PCDHAC2: variants seen among roughly 807,000 people sequenced by gnomAD.
PCDHAC2 encodes the protein protocadherin alpha subfamily C, 2, also known as protocadherin alpha-C2.
In PCDHAC2, 24 loss-of-function variants were observed where a neutral mutation model predicts 63.3. The observed-to-expected ratio is 0.38, with a 90% CI of 0.27 to 0.53. The LOEUF is 0.53. Ranked by LOEUF, PCDHAC2 falls within the 20% of genes least tolerant of loss-of-function variation. The pLI is 0.81. For synonymous variants in PCDHAC2, 569 were observed against 529.4 expected (o/e 1.07, Z -1.03); for missense variants, 1,181 against 1,275.2 (o/e 0.93, Z 1.12).
rs1380719565 is a variant in PCDHAC2, at chr5:140,969,110, C to G, written c.2344C>G (p.Arg782Gly). 4 of 1,614,064 alleles carry G rather than the reference C, an allele frequency of 2.5e-6. No individual in the cohort carries two copies. The highest frequency in any genetic ancestry group is 2.2e-5 in the South Asian group (2 of 91,060). ...LKVQPHFIEVRGNGSLTKTYC... is the reference protein window; with the variant it reads ...LKVQPHFIEVGGNGSLTKTYC... ...AGTGCAGCCTCACTTCATTGAAGTT[C>G]GAGGGAATGGCTCCCTCACCAAGAC... Residue 782 changes from arginine (R) to glycine (G), a missense_variant, in exon 1 of 4, where the codon CGA (arginine) becomes GGA (glycine). Physicochemically the swap from Arg to Gly is moderately radical, Grantham distance 125 (BLOSUM62 -2). This residue lies in a region of PCDHAC2 where 968 missense variants were observed against 1,073.5 expected (regional missense o/e 0.90). Coordinates refer to ENST00000289269, the MANE Select transcript of PCDHAC2 (RefSeq NM_018899.6).
intron 3 of PCDHAC2, among the ~76,000 whole-genome samples, chr5:141,007,673 A>C (rs2098339698): frequency 6.6e-6 from 1 of 152,136 alleles, no homozygotes; most frequent in African/African-American, 2.4e-5. Flanking sequence ...ACAAAGACAA[A>C]AGTTATCCTA....
At position 140,982,360 on chromosome 5, in the gene PCDHAC2, A is replaced by G. The variant is rs1016027722; in HGVS notation, c.2625-115A>G. 59 of 1,527,040 alleles carry G rather than the reference A, an allele frequency of 3.9e-5. No individual in the cohort carries two copies. In the Admixed American group the frequency reaches 8.5e-4, roughly 22 times the overall value. 94.6% of individuals were successfully genotyped at this position (1,527,040 alleles called of 1,614,324 possible). ...TAATTGCTTCAGTTCAAGCATGAGC[A>G]GAATGTGTTAGCTGCAGCCCTGGCT... On this transcript the variant is annotated intron_variant, in intron 2 of 3. Coordinates refer to ENST00000289269, the MANE Select transcript of PCDHAC2 (RefSeq NM_018899.6).
chr5:140,991,923 C>T (rs996562269), intron 3 of PCDHAC2, among the ~76,000 whole-genome samples: 1 of 152,088 alleles, frequency 6.6e-6, no homozygotes, highest in Non-Finnish European at 1.5e-5. Flanking sequence ...TGTAACATAA[C>T]ATATTCACAA....
intron 1 of PCDHAC2, 163 bp from the exon 2 acceptor site, chr5:140,978,786 G>C (rs2096822943): frequency 1.4e-5 from 14 of 972,674 alleles, no homozygotes; most frequent in Non-Finnish European, 1.3e-5. Context: ...CTTCTAAAGT[G>C]CTATATATGT....
chr5:140,981,974 A>G (rs782298715), intron 2 of PCDHAC2, among the ~76,000 whole-genome samples: 6 of 152,232 alleles, frequency 3.9e-5, no homozygotes, highest in Non-Finnish European at 8.8e-5. Context: ...AGATATAGAA[A>G]GAGTAAAATA....
chr5:140,997,817 A>G (rs570760153), intron 3 of PCDHAC2, among the ~76,000 whole-genome samples: 2 of 152,306 alleles, frequency 1.3e-5, no homozygotes, highest in South Asian at 4.1e-4. Flanking sequence ...GTTGGTATCT[A>G]TGTTTTCTAA....
At chr5:140,972,990 G>A (rs185555684) in intron 1 of PCDHAC2, among the ~76,000 whole-genome samples, 2 of 152,188 alleles carry the variant, frequency 1.3e-5, no homozygotes, top group African/African-American at 4.8e-5. Context: ...GGTAGATTCT[G>A]TGCATTTGTG....
chr5:140,986,587 C>G (rs1194407522), intron 3 of PCDHAC2, among the ~76,000 whole-genome samples: 1 of 152,208 alleles, frequency 6.6e-6, no homozygotes, highest in East Asian at 1.9e-4. Flanking sequence ...TCCAGCTCCT[C>G]TTTCTACATT....
intron 3 of PCDHAC2, among the ~76,000 whole-genome samples, chr5:140,989,792 C>T (rs1324674581): frequency 6.6e-6 from 1 of 152,142 alleles, no homozygotes; most frequent in African/African-American, 2.4e-5. Flanking sequence ...CTAGAGGCCC[C>T]CAGGAAAGGG....
Position 141,010,072 on chromosome 5 carries a change from C to T in PCDHAC2, c.*135C>T. The T allele has an allele frequency of 3.1e-6, 5 of 1,606,334 alleles. No individual in the cohort carries two copies. The highest frequency in any genetic ancestry group is 4.3e-6 in the Non-Finnish European group (5 of 1,176,104). On this transcript the variant is annotated 3_prime_UTR_variant, in exon 4 of 4. Transcript: ENST00000289269. Reference sequence around the variant, plus strand: ...ACCTCAGAAATCTGCAGAAAGTTCCCTGTGTCTGTCTAGAACGCATTTAAC... The same window carrying T: ...ACCTCAGAAATCTGCAGAAAGTTCCTTGTGTCTGTCTAGAACGCATTTAAC...
At position 140,969,076 on chromosome 5, in the gene PCDHAC2, T is replaced by C; in HGVS notation, c.2310T>C (p.His770=). ...ANNNIDARIP[H]GLKVQPHFIE... Reference sequence around the variant, plus strand: ...ACAATATTGATGCCAGGATACCGCATGGCCTCAAAGTGCAGCCTCACTTCA... The same window carrying C: ...ACAATATTGATGCCAGGATACCGCACGGCCTCAAAGTGCAGCCTCACTTCA... The change falls in exon 1 of 4, where the codon CAT becomes CAC. Residue 770 remains histidine (H), a synonymous_variant. Transcript: ENST00000289269. 2 of 1,614,162 alleles carry C rather than the reference T, an allele frequency of 1.2e-6. No homozygotes were observed. The highest frequency in any genetic ancestry group is 2.2e-5 in the South Asian group (2 of 91,084).
intron 2 of PCDHAC2, 96 bp from the exon 3 acceptor site, chr5:140,982,379 C>T (rs959359344): frequency 1.4e-5 from 22 of 1,575,004 alleles, no homozygotes; most frequent in South Asian, 3.5e-5. Context: ...TAGCTGCAGC[C>T]CTGGCTTCAT....
At chr5:140,982,602 G>A (rs1554244640) in intron 3 of PCDHAC2, 39 bp downstream of exon 3, 2 of 1,607,914 alleles carry the variant, frequency 1.2e-6, no homozygotes, top group African/African-American at 2.7e-5. Context: ...CTTGGTTTCT[G>A]GAAAGTGATC....
At chr5:141,001,702 G>C (rs2098033163) in intron 3 of PCDHAC2, among the ~76,000 whole-genome samples, 1 of 152,194 alleles carries the variant, frequency 6.6e-6, no homozygotes, top group Non-Finnish European at 1.5e-5. Flanking sequence ...GGCGAAATAG[G>C]GGGCGGGGAA....
At chr5:140,999,521 T>C (rs1554256849) in intron 3 of PCDHAC2, among the ~76,000 whole-genome samples, 1 of 152,106 alleles carries the variant, frequency 6.6e-6, no homozygotes, top group Non-Finnish European at 1.5e-5. Flanking sequence ...AGCATTTTGT[T>C]ACCCCCTGGA....
At chr5:140,982,795 AT>A (rs2097005249) in intron 3 of PCDHAC2, among the ~76,000 whole-genome samples, 1 of 151,516 alleles carries the variant, frequency 6.6e-6, no homozygotes, top group African/African-American at 2.4e-5. Flanking sequence ...GCATGTGTGC[AT>A]GTGTGTGTGT....
intron 3 of PCDHAC2, among the ~76,000 whole-genome samples, chr5:141,007,135 C>G (rs1183279253): frequency 2.6e-5 from 4 of 152,074 alleles, no homozygotes; most frequent in Non-Finnish European, 5.9e-5. Context: ...GATGAGGAGA[C>G]TGACAAAGGA....
Position 140,967,815 on chromosome 5 carries a change from A to G in PCDHAC2, c.1049A>G (p.Lys350Arg). 6.2e-7 allele frequency: 1 copy of G among 1,614,180 alleles called. No homozygotes were observed. ...CCAGTGCCCATGGCAGGTCACTGCA[A>G]GGTGCTGGTGGACATCGTGGACGTG... ...RGPVPMAGHC[K>R]VLVDIVDVND... The change falls in exon 1 of 4, where the codon AAG (lysine) becomes AGG (arginine). Residue 350 changes from lysine (K) to arginine (R), a missense_variant. Physicochemically the swap from Lys to Arg is conservative, Grantham distance 26 (BLOSUM62 2). This residue lies in a region of PCDHAC2 where 968 missense variants were observed against 1,073.5 expected (regional missense o/e 0.90). Coordinates refer to ENST00000289269, the MANE Select transcript of PCDHAC2 (RefSeq NM_018899.6).
intron 3 of PCDHAC2, among the ~76,000 whole-genome samples, chr5:140,999,527 C>G (rs578180518): frequency 6.6e-6 from 1 of 152,088 alleles, no homozygotes; most frequent in Non-Finnish European, 1.5e-5. Context: ...TTGTTACCCC[C>G]TGGATATGAC....
Sources: allele counts gnomAD v4.1 joint callset (sites outside exome capture counted in the v4.1 genomes callset), GRCh38; gene constraint gnomAD v4.1.1; regional missense constraint gnomAD v4.1.1; transcripts MANE v1.5; gene names NCBI Gene and HGNC (gene_info 2026-07-23, HGNC 2026-07-21).